DLGAP1: variants seen among roughly 807,000 people sequenced by gnomAD.
DLGAP1 encodes the protein disks large-associated protein 1.
In DLGAP1, 11 loss-of-function variants were observed where a neutral mutation model predicts 90.8. The ratio of observed to expected loss-of-function variants is 0.12; its 90% CI spans 0.08 to 0.20. The LOEUF (loss-of-function observed/expected upper bound fraction) is 0.20. Among genes scored for constraint, DLGAP1 ranks in the 10% least tolerant of loss-of-function variants. The pLI is 1.00. For synonymous variants in DLGAP1, 558 were observed against 540.7 expected (o/e 1.03, Z -0.44); for missense variants, 1,050 against 1,333.8 (o/e 0.79, Z 3.31).
intron 2 of DLGAP1, among the ~76,000 whole-genome samples, chr18:4,110,930 C>T (rs912120233): frequency 2.6e-5 from 4 of 152,112 alleles, no homozygotes; most frequent in Admixed American, 6.5e-5. Flanking sequence ...CTGTCCCAGG[C>T]GGGCTCTTCT....
chr18:4,092,475 C>T (rs1272021162), intron 2 of DLGAP1, among the ~76,000 whole-genome samples: 4 of 152,132 alleles, frequency 2.6e-5, no homozygotes, highest in South Asian at 2.1e-4. Flanking sequence ...GATGGTTTCT[C>T]GTCCATCCCC....
At chr18:4,385,446 G>A (rs907526678) in intron 1 of DLGAP1, among the ~76,000 whole-genome samples, 1 of 151,848 alleles carries the variant, frequency 6.6e-6, no homozygotes, top group African/African-American at 2.4e-5. Context: ...TTCTTTTTTA[G>A]TTACATCATC....
At chr18:3,691,801 T>C (rs1410072254) in intron 7 of DLGAP1, among the ~76,000 whole-genome samples, 1 of 152,038 alleles carries the variant, frequency 6.6e-6, no homozygotes, top group Non-Finnish European at 1.5e-5. Flanking sequence ...GCATCTGTAG[T>C]ACCAGCTATT....
chr18:3,689,770 GA>G (rs200144789), intron 7 of DLGAP1, among the ~76,000 whole-genome samples: 17 of 149,708 alleles, frequency 1.1e-4, no homozygotes, highest in Middle Eastern at 3.4e-3. Context: ...TATGTCTTAA[GA>G]AAAAAAAAAT....
chr18:4,417,629 TAAGTA>T (rs1458854700), intron 1 of DLGAP1, among the ~76,000 whole-genome samples: 1 of 152,102 alleles, frequency 6.6e-6, no homozygotes, highest in Non-Finnish European at 1.5e-5. Flanking sequence ...GGAGAAAGTT[TAAGTA>T]AAGTGTCCAG....
At chr18:3,982,298 C>G (rs1490136766) in intron 3 of DLGAP1, among the ~76,000 whole-genome samples, 1 of 152,168 alleles carries the variant, frequency 6.6e-6, no homozygotes, top group Non-Finnish European at 1.5e-5. Context: ...CACACTGTCT[C>G]CACGTCATGT....
In DLGAP1 at chr18:3,596,456, G is replaced by A. The variant is rs2056581673; in HGVS notation, c.1592-14208C>T. On this transcript the variant is annotated intron_variant, in intron 7 of 12. Coordinates refer to ENST00000315677, the MANE Select transcript of DLGAP1 (RefSeq NM_004746.4). ...ATTACAGGCTTGAACCACCAAGCCC[G>A]GCCTGACATTTTTCTTTTAAATCTT... 4 of 208,472 alleles carry A rather than the reference G, an allele frequency of 1.9e-5. 1 individual carries two copies. Among genetic ancestry groups the A allele is most frequent in the South Asian group, 1.2e-4 (2 of 16,096 alleles). The allele number at this position is 208,472 out of a possible 1,614,324, so 12.9% of individuals were successfully genotyped here.
intron 7 of DLGAP1, among the ~76,000 whole-genome samples, chr18:3,692,639 C>T (rs2060938512): frequency 1.3e-5 from 2 of 152,208 alleles, no homozygotes; most frequent in African/African-American, 4.8e-5. Flanking sequence ...TTGAGATCTG[C>T]ATATGGCAGC....
intron 7 of DLGAP1, among the ~76,000 whole-genome samples, chr18:3,612,695 G>C (rs1255459637): frequency 6.6e-6 from 1 of 152,184 alleles, no homozygotes; most frequent in East Asian, 1.9e-4. Flanking sequence ...TTGAATTACA[G>C]TTTCATAAAA....
intron 7 of DLGAP1, among the ~76,000 whole-genome samples, chr18:3,669,541 A>T (rs1249993099): frequency 6.6e-6 from 1 of 152,218 alleles, no homozygotes; most frequent in Non-Finnish European, 1.5e-5. Flanking sequence ...ATTAGAGAGC[A>T]TGTCTGCGGA....
At chr18:4,190,672 T>A (rs1319503585) in intron 1 of DLGAP1, among the ~76,000 whole-genome samples, 1 of 152,120 alleles carries the variant, frequency 6.6e-6, no homozygotes, top group Non-Finnish European at 1.5e-5. Context: ...TTTCTGTAAA[T>A]CTAAAACTTC....
At chr18:4,419,805 C>T (rs185032952) in intron 1 of DLGAP1, among the ~76,000 whole-genome samples, 2 of 151,742 alleles carry the variant, frequency 1.3e-5, no homozygotes, top group East Asian at 3.9e-4. Context: ...AAAATAGAAA[C>T]ATAAAAATGC....
At chr18:4,105,664 C>A (rs949709960) in intron 2 of DLGAP1, among the ~76,000 whole-genome samples, 6 of 152,140 alleles carry the variant, frequency 3.9e-5, no homozygotes, top group Non-Finnish European at 7.3e-5. Flanking sequence ...AATTTAAATG[C>A]GATCTATTTC....
chr18:3,830,504 T>G (rs1294545352), intron 4 of DLGAP1, among the ~76,000 whole-genome samples: 1 of 152,134 alleles, frequency 6.6e-6, no homozygotes, highest in African/African-American at 2.4e-5. Flanking sequence ...AGGCGGAGGT[T>G]GCAGGGAGCC....
chr18:4,299,095 A>AC (rs1346524483), intron 1 of DLGAP1, among the ~76,000 whole-genome samples: 8 of 151,418 alleles, frequency 5.3e-5, no homozygotes, highest in Non-Finnish European at 1.2e-4. Flanking sequence ...CAAAAAAAAA[A>AC]AAAAAAAAAA....
rs138768984 is a variant in DLGAP1 at position 4,337,783 on chromosome 18, G to A, written c.-267+117223C>T. Among the ~76,000 whole-genome samples the A allele has an allele frequency of 7.1e-3, 1,082 of 152,122 alleles. 16 individuals are homozygous for A. Among genetic ancestry groups the A allele is most frequent in the Admixed American group, 5.3e-3 (81 of 15,294 alleles). On this transcript the variant is annotated intron_variant, in intron 1 of 12. Coordinates refer to ENST00000315677, the MANE Select transcript of DLGAP1 (RefSeq NM_004746.4). The stretch of plus-strand genomic sequence containing the variant: ...AGTATTGGAATATTTGAATCAAACC[G>A]CTACTTTTATACTGGAGCCATTTTA...
chr18:3,673,312 A>G (rs985452652), intron 7 of DLGAP1, among the ~76,000 whole-genome samples: 1 of 152,000 alleles, frequency 6.6e-6, no homozygotes, highest in African/African-American at 2.4e-5. Flanking sequence ...GCATATCTCT[A>G]TTATGGCCCT....
At chr18:4,078,379 G>T (rs143340628) in intron 2 of DLGAP1, among the ~76,000 whole-genome samples, 1 of 152,082 alleles carries the variant, frequency 6.6e-6, no homozygotes, top group African/African-American at 2.4e-5. Context: ...AGAAATCACC[G>T]AATAGATGGC....
intron 3 of DLGAP1, among the ~76,000 whole-genome samples, chr18:3,902,676 T>C (rs1279241882): frequency 6.6e-6 from 1 of 152,210 alleles, no homozygotes; most frequent in Non-Finnish European, 1.5e-5. Flanking sequence ...GTGCCATGTT[T>C]CTTTTAGTTT....
Sources: gnomAD v4.1 joint callset for allele counts (sites outside exome capture counted in the v4.1 genomes callset) on GRCh38, gnomAD v4.1.1 for gene constraint, MANE v1.5 for transcripts, NCBI Gene and HGNC (gene_info 2026-07-23, HGNC 2026-07-21) for gene names.